The following CAPS2 variants were observed in gnomAD, a reference collection of about 807,000 sequenced individuals.
The protein encoded by CAPS2 is calcyphosine 2, also known as calcyphosin-2.
CAPS2 carries 98 observed loss-of-function variants against 86.5 expected under a neutral mutation model. The observed-to-expected ratio is 1.13, with a 90% confidence interval of 0.96 to 1.34. CAPS2 has a LOEUF of 1.34. Among genes scored for constraint, CAPS2 ranks in the 40% most tolerant of loss-of-function variants. The pLI is 0.00. For synonymous variants in CAPS2, 210 were observed against 225.1 expected, an observed-to-expected ratio of 0.93 and a Z score of 0.60; for missense variants, 729 against 686.8, an observed-to-expected ratio of 1.06 and a Z score of -0.69.
At chr12:75,369,439 G>A in intron 1 of CAPS2, 1 of 790,652 alleles carries the variant, frequency 1.3e-6, no homozygotes, top group Non-Finnish European at 1.5e-6. Flanking sequence ...ATACGTAGTA[G>A]AAGGTCAAAA....
At chr12:75,311,328 A>T (rs2039139799) in intron 7 of CAPS2, among the ~76,000 whole-genome samples, 1 of 152,164 alleles carries the variant, frequency 6.6e-6, no homozygotes, top group Admixed American at 6.6e-5. Flanking sequence ...TTTGTTGACA[A>T]GCTGGATATA....
upstream of CAPS2, among the ~76,000 whole-genome samples, chr12:75,332,237 A>G (rs1458423633): frequency 6.6e-6 from 1 of 152,216 alleles, no homozygotes; most frequent in Non-Finnish European, 1.5e-5. Flanking sequence ...AAATGAAACT[A>G]AATTAGCTAT....
chr12:75,300,512 C>T (rs1481915176), intron 8 of CAPS2, among the ~76,000 whole-genome samples: 2 of 137,320 alleles, frequency 1.5e-5, no homozygotes, highest in Admixed American at 8.0e-5. Flanking sequence ...GCCGAGATCG[C>T]GCCACTGCAC....
At chr12:75,291,813 A>G (rs1191167215) in exon 13 of CAPS2, 2 of 1,542,696 alleles carry the variant, frequency 1.3e-6, no homozygotes, top group African/African-American at 1.4e-5. Context: ...TGTTCCATAG[A>G]AGCAGTTCTG....
intron 14 of CAPS2, among the ~76,000 whole-genome samples, chr12:75,286,553 G>T (rs149323596): frequency 0.011 from 1,645 of 151,478 alleles, 21 homozygotes; most frequent in African/African-American, 0.038. Context: ...TTCTTTCAAA[G>T]ATACAGTACA....
chr12:75,335,426 T>C (rs1315498004), intron 1 of CAPS2, among the ~76,000 whole-genome samples: 1 of 152,216 alleles, frequency 6.6e-6, no homozygotes, highest in Admixed American at 6.5e-5. Flanking sequence ...AAATAATCCA[T>C]AGAATTTACA....
chr12:75,329,691 T>A (rs1249365836), upstream of CAPS2: 4 of 532,198 alleles, frequency 7.5e-6, no homozygotes, highest in African/African-American at 7.8e-5. Context: ...AGGGACCAAG[T>A]CTATGTTGAT....
chr12:75,298,215 C>T, intron 11 of CAPS2: 1 of 160,654 alleles, frequency 6.2e-6, no homozygotes, highest in South Asian at 1.8e-4. Flanking sequence ...CCTTGTGACA[C>T]ACCACATGCC....
chr12:75,363,501 T>C (rs946347177), intron 1 of CAPS2, among the ~76,000 whole-genome samples: 3 of 152,176 alleles, frequency 2.0e-5, no homozygotes, highest in South Asian at 2.1e-4. Flanking sequence ...CATTGACCTC[T>C]TGTTATTAGT....
chr12:75,283,623 G>A (rs182460225), intron 15 of CAPS2, among the ~76,000 whole-genome samples: 4 of 152,174 alleles, frequency 2.6e-5, no homozygotes, highest in Non-Finnish European at 5.9e-5. Flanking sequence ...AGACCAGCTT[G>A]GCCAACATGG....
chr12:75,321,778 C>T (rs183984534), intron 4 of CAPS2, among the ~76,000 whole-genome samples: 27 of 152,168 alleles, frequency 1.8e-4, no homozygotes, highest in Admixed American at 8.5e-4. Flanking sequence ...CAGAACTGCT[C>T]GGAATGGGCA....
intron 1 of CAPS2, chr12:75,360,679 T>G (rs930349846): frequency 6.6e-6 from 1 of 152,264 alleles, no homozygotes; most frequent in Non-Finnish European, 1.5e-5. Flanking sequence ...AGTTGTCATT[T>G]GATCTACCAT....
chr12:75,278,486 A>C (rs1038932282), exon 17 of CAPS2: 1 of 986,986 alleles, frequency 1.0e-6, no homozygotes, highest in African/African-American at 1.7e-5. Context: ...TCTGAGGAAG[A>C]GGTAGCAAAA....
rs568805787 is a variant in CAPS2, at chr12:75,347,986, AAT to A, written c.-394-24766_-394-24765del. Among the ~76,000 whole-genome samples the A allele has an allele frequency of 2.6e-4, 40 of 152,250 alleles. No individual in the cohort carries two copies. In the East Asian group the frequency reaches 6.2e-3, roughly 23 times the overall value. ...AGGTTTAAAAAAAGAGATAATATAAAATATGTTGCCACAGTAATATATAAATA... is the reference window on the plus strand; with the variant it reads ...AGGTTTAAAAAAAGAGATAATATAAAATGTTGCCACAGTAATATATAAATA... On this transcript the variant is annotated intron_variant, in intron 1 of 5. Coordinates refer to the CAPS2 transcript ENST00000551829.
At chr12:75,387,214 C>A (rs561507591) in intron 1 of CAPS2, among the ~76,000 whole-genome samples, 1 of 152,182 alleles carries the variant, frequency 6.6e-6, no homozygotes, top group African/African-American at 2.4e-5. Flanking sequence ...ACTCAACAAT[C>A]GAAAAACAAA....
At chr12:75,277,483 C>G in exon 17 of CAPS2, 2 of 907,146 alleles carry the variant, frequency 2.2e-6, no homozygotes, top group Non-Finnish European at 2.6e-6. Flanking sequence ...AAAATGTCTT[C>G]TAGCATATTG....
chr12:75,286,147 C>A (rs1000973295), intron 14 of CAPS2, among the ~76,000 whole-genome samples: 7 of 151,902 alleles, frequency 4.6e-5, no homozygotes, highest in African/African-American at 1.7e-4. Context: ...AGGTGCTTAG[C>A]AAATAATAGG....
intron 1 of CAPS2, among the ~76,000 whole-genome samples, chr12:75,343,128 A>G (rs769839530): frequency 1.3e-5 from 2 of 151,924 alleles, no homozygotes; most frequent in Non-Finnish European, 2.9e-5. Flanking sequence ...TGTATTTACA[A>G]CTCATGTATT....
exon 2 of CAPS2, chr12:75,325,274 A>G: frequency 6.5e-7 from 1 of 1,548,704 alleles, no homozygotes; most frequent in Non-Finnish European, 8.7e-7. Flanking sequence ...TCCATGACTC[A>G]GAAGTCCACC....
Sources: gnomAD v4.1 joint callset for allele counts (sites outside exome capture counted in the v4.1 genomes callset) on GRCh38, gnomAD v4.1.1 for gene constraint, MANE v1.5 for transcripts, NCBI Gene and HGNC (gene_info 2026-07-23, HGNC 2026-07-21) for gene names.